Variants in NDE1 observed in about 807,000 individuals in gnomAD.
NDE1 encodes the protein nuclear distribution protein nudE homolog 1.
A neutral mutation model predicts 43.4 loss-of-function variants in NDE1; 28 were observed. The observed-to-expected ratio is 0.65, with a 90% CI of 0.48 to 0.89. The LOEUF (loss-of-function observed/expected upper bound fraction) is 0.89, where lower values mean the gene tolerates loss of function less well. NDE1 is among the 40% of genes least tolerant of loss of function. The pLI is 0.00. For missense variants in NDE1, 441 were observed against 434.1 expected, an observed-to-expected ratio of 1.02 and a Z score of -0.14; for synonymous variants, 184 against 172.0, an observed-to-expected ratio of 1.07 and a Z score of -0.55.
chr16:15,664,967 T>G, intron 2 of NDE1, 106 bp downstream of exon 2: 1 of 851,420 alleles, frequency 1.2e-6, no homozygotes, highest in South Asian at 1.4e-5. Context: ...GTGATCATAG[T>G]GCACAGCCGC....
In NDE1 at chr16:15,664,811, G is replaced by A. The variant is rs1358435564; in HGVS notation, c.33G>A (p.Glu11=). The change falls in exon 2 of 9, where the codon GAG becomes GAA. Residue 11 remains glutamate, a synonymous_variant. Coordinates refer to ENST00000396354, the MANE Select transcript of NDE1 (RefSeq NM_017668.3). MEDSGKTFSS[E]EEEANYWKDL... ...ACTCCGGAAAGACTTTCAGCTCCGA[G>A]GAGGAAGAAGCTAACTATTGGAAAG... The A allele has an allele frequency of 1.9e-6, 3 of 1,613,836 alleles. No homozygotes were observed. The highest frequency in any genetic ancestry group is 2.5e-6 in the Non-Finnish European group (3 of 1,179,842).
chr16:15,707,914 G>A lies in NDE1; in HGVS notation c.947+11054G>A, dbSNP rs528670974. On this transcript the variant is annotated intron_variant, in intron 8 of 8. Transcript: ENST00000396354. ...TTGAACCCAGGAGGCAAAGGTTGCG[G>A]TGAGCCAAGATTGCGCCATTGCACT... Among the ~76,000 whole-genome samples the A allele has an allele frequency of 2.6e-5, 4 of 151,126 alleles. No individual in the cohort carries two copies. The East Asian group carries it at 7.8e-4, about 29-fold the overall frequency.
rs201124471 is a variant in NDE1 at position 15,724,114 on chromosome 16, C to A, written c.948-77C>A. The A allele has an allele frequency of 3.3e-3, 5,242 of 1,610,322 alleles. 9 individuals are homozygous for A. The highest frequency in any genetic ancestry group is 4.1e-3 in the Non-Finnish European group (4,866 of 1,180,010). On this transcript the variant is annotated intron_variant, in intron 8 of 8. Transcript: ENST00000396354. The stretch of plus-strand genomic sequence containing the variant: ...GTCATACTCTGCAGAGCTGATTCCC[C>A]AACCCAGCGTCCATGGCCAGAGTGG...
chr16:15,657,757 G>A (rs1177840738), intron 1 of NDE1, among the ~76,000 whole-genome samples: 1 of 151,818 alleles, frequency 6.6e-6, no homozygotes, highest in African/African-American at 2.4e-5. Flanking sequence ...CGCCGTGCCC[G>A]TTTGATTTTT....
rs377725096 is a variant in NDE1 at position 15,664,887 on chromosome 16, C to CT, written c.83+42dup. On this transcript the variant is annotated intron_variant, in intron 2 of 8. Coordinates refer to ENST00000396354, the MANE Select transcript of NDE1 (RefSeq NM_017668.3). ...GTCAGTCCGAGTTCACCTGCTTTTC[C>CT]TTTTTTTTTTTTTTTTGAGATGGGG... 96,649 of 1,317,380 alleles carry CT rather than the reference C, an allele frequency of 0.073. 40 individuals are homozygous for CT. The highest frequency in any genetic ancestry group is 0.081 in the Non-Finnish European group (75,968 of 943,554). 81.6% of individuals were successfully genotyped at this position (1,317,380 alleles called of 1,614,324 possible).
intron 8 of NDE1, among the ~76,000 whole-genome samples, chr16:15,712,335 C>T (rs972135414): frequency 1.1e-4 from 17 of 152,092 alleles, no homozygotes; most frequent in African/African-American, 3.1e-4. Context: ...GTTGAGACCT[C>T]TCACCTAGCG....
chr16:15,723,731 C>T (rs925453532), intron 8 of NDE1, among the ~76,000 whole-genome samples: 2 of 152,216 alleles, frequency 1.3e-5, no homozygotes, highest in Non-Finnish European at 2.9e-5. Context: ...CCGTACAATT[C>T]TGTCAACTTT....
intron 4 of NDE1, among the ~76,000 whole-genome samples, chr16:15,680,243 G>A (rs956020205): frequency 3.3e-5 from 5 of 152,068 alleles, no homozygotes; most frequent in African/African-American, 9.7e-5. Context: ...CTCTGTGCAC[G>A]TGTGGTTTGG....
intron 8 of NDE1, chr16:15,721,238 A>C: frequency 1.1e-6 from 1 of 936,894 alleles, no homozygotes; most frequent in East Asian, 2.6e-5. Flanking sequence ...CCCCCAACTC[A>C]GACCCATCCT....
chr16:15,685,836 A>T (rs745554308), intron 4 of NDE1, among the ~76,000 whole-genome samples: 1 of 152,154 alleles, frequency 6.6e-6, no homozygotes, highest in Non-Finnish European at 1.5e-5. Flanking sequence ...CCACTGTGGG[A>T]TACAGTTAGC....
chr16:15,691,654 T>TC (rs1372333142), intron 6 of NDE1, among the ~76,000 whole-genome samples: 2 of 151,156 alleles, frequency 1.3e-5, no homozygotes, highest in Non-Finnish European at 3.0e-5. Context: ...TGGGTTTTTT[T>TC]TTTTGAGACA....
upstream of NDE1, among the ~76,000 whole-genome samples, chr16:15,650,014 C>A (rs150913909): frequency 0.014 from 2,136 of 152,366 alleles, 24 homozygotes; most frequent in Non-Finnish European, 0.024. Context: ...CCCGCCAGCC[C>A]GCCGCAGCCC....
At chr16:15,684,612 C>G (rs1267510846) in intron 4 of NDE1, 2 of 151,042 alleles carry the variant, frequency 1.3e-5, no homozygotes, top group African/African-American at 4.9e-5. Context: ...CCCCAGTTCC[C>G]TAGCATTCCA....
chr16:15,644,888 A>G (rs1336972348), intron 1 of NDE1, among the ~76,000 whole-genome samples: 1 of 151,862 alleles, frequency 6.6e-6, no homozygotes, highest in Non-Finnish European at 1.5e-5. Flanking sequence ...GCCAGAAAAC[A>G]TCAAAGAATG....
At chr16:15,718,580 C>G in intron 8 of NDE1, 1 of 1,272,116 alleles carries the variant, frequency 7.9e-7, no homozygotes, top group Non-Finnish European at 1.1e-6. Context: ...GAAGACTCAT[C>G]TGTAGTTACA....
At chr16:15,643,917 G>C (rs2036222469) in exon 1 of NDE1, 1 of 152,558 alleles carries the variant, frequency 6.6e-6, no homozygotes, top group Admixed American at 6.6e-5. Flanking sequence ...GAGCAGAAAG[G>C]AAATCTTACG....
intron 8 of NDE1, among the ~76,000 whole-genome samples, chr16:15,709,503 C>T (rs556077768): frequency 8.5e-5 from 13 of 152,138 alleles, no homozygotes; most frequent in East Asian, 3.9e-4. Flanking sequence ...TTAGTAGAGA[C>T]GGAGTTTCAC....
At chr16:15,670,406 C>T (rs1933802858) in intron 3 of NDE1, among the ~76,000 whole-genome samples, 1 of 152,158 alleles carries the variant, frequency 6.6e-6, no homozygotes, top group South Asian at 2.1e-4. Context: ...GCCTGTTATC[C>T]CAGCACTTCA....
In NDE1 at chr16:15,708,828, G is replaced by GT. The variant is rs2039612615; in HGVS notation, c.947+11969dup. 2 of 1,610,084 alleles carry GT rather than the reference G, an allele frequency of 1.2e-6. No homozygotes were observed. The highest frequency in any genetic ancestry group is 1.1e-5 in the South Asian group (1 of 89,744). Reference sequence around the variant, plus strand: ...CTGGTGCATCACTGCGAAGTTTCCTGTGGGGGGGGCCCTCTGAAACAGAGA... The same window carrying GT: ...CTGGTGCATCACTGCGAAGTTTCCTGTTGGGGGGGGCCCTCTGAAACAGAGA... On this transcript the variant is annotated intron_variant, in intron 8 of 8. Transcript: ENST00000396354.
Sources: gnomAD v4.1 joint callset for allele counts (sites outside exome capture counted in the v4.1 genomes callset) on GRCh38, gnomAD v4.1.1 for gene constraint, MANE v1.5 for transcripts, NCBI Gene and HGNC (gene_info 2026-07-23, HGNC 2026-07-21) for gene names.